ABCA2: variants seen among roughly 807,000 people sequenced by gnomAD.
The protein encoded by ABCA2 is ATP-binding cassette sub-family A member 2.
In ABCA2, 84 loss-of-function variants were observed where a neutral mutation model predicts 262.8. The ratio of observed to expected loss-of-function variants is 0.32; its 90% CI spans 0.27 to 0.38. ABCA2 has a LOEUF of 0.38. Ranked by LOEUF, ABCA2 falls within the 10% of genes least tolerant of loss-of-function variation. The pLI is 1.00. For missense variants in ABCA2, 2,662 were observed against 3,405.9 expected, an observed-to-expected ratio of 0.78 and a Z score of 5.44; for synonymous variants, 1,696 against 1,502.9, an observed-to-expected ratio of 1.13 and a Z score of -2.97.
rs1195370052 is a variant in ABCA2, at chr9:137,015,840, G to A, written c.3349C>T (p.Arg1117Trp). 5 of 1,610,786 alleles carry A rather than the reference G, an allele frequency of 3.1e-6. No individual in the cohort carries two copies. Among genetic ancestry groups the A allele is most frequent in the Middle Eastern group, 1.6e-4 (1 of 6,078 alleles). The change falls in exon 23 of 49, where the codon CGG becomes TGG. Residue 1117 changes from arginine to tryptophan, a missense_variant. Around this residue, in one of 12 missense-constraint regions of ABCA2, gnomAD observed 180 missense variants for 307.3 expected, o/e 0.59. Transcript: ENST00000341511. ...MIEDLELSNK[R>W]HSLVQTLSGG... Reference sequence around the variant, plus strand: ...GACAATGTCTGCACCAGTGAGTGCCGTTTGTTGGAGAGCTCCAGGTCCTCG... The same window carrying A: ...GACAATGTCTGCACCAGTGAGTGCCATTTGTTGGAGAGCTCCAGGTCCTCG...
intron 19 of ABCA2, 44 bp from the exon 20 acceptor site, chr9:137,016,782 G>A (rs1831274036): frequency 6.5e-7 from 1 of 1,542,292 alleles, no homozygotes; most frequent in Non-Finnish European, 8.7e-7. Flanking sequence ...AGGGCCTGGG[G>A]TGACCATCCA....
At position 137,009,641 on chromosome 9, in the gene ABCA2, C is replaced by T. The variant is rs1830962567; in HGVS notation, c.6634G>A (p.Glu2212Lys). The change falls in exon 44 of 49, where the codon GAG becomes AAG. Residue 2212 changes from glutamate to lysine, a missense_variant. Physicochemically the swap from Glu to Lys is moderately conservative, Grantham distance 56. Transcript: ENST00000341511. ...IGYPAFIFLD[E>K]PTTGMDPKAR... ...TTGGGGTCCATGCCTGTGGTGGGCT[C>T]GTCCTGGGGATGGGTGGCAGGCTCA... 1.9e-6 allele frequency: 3 copies of T among 1,612,756 alleles called. No individual in the cohort carries two copies. The highest frequency in any genetic ancestry group is 1.7e-6 in the Non-Finnish European group (2 of 1,179,896).
rs759275531 is a variant in ABCA2 at position 137,014,952 on chromosome 9, G to A, written c.3843C>T (p.Ser1281=). 5.2e-5 allele frequency: 81 copies of A among 1,566,430 alleles called. No homozygotes were observed. The African/African-American group carries it at 8.7e-4, about 17-fold the overall frequency. The change falls in exon 25 of 49, where the codon AGC becomes AGT. Residue 1281 remains serine (S), a synonymous_variant. Coordinates refer to ENST00000341511, the MANE Select transcript of ABCA2 (RefSeq NM_001606.5). ...CGAAAGCCCCCTTCTTGGCGGCCTC[G>A]CTGGGCAGGATGTAGGAGAGCTCCG... The part of the protein sequence containing the change: ...TSTELSYILP[S]EAAKKGAFER...
Position 137,021,179 on chromosome 9 carries a change from G to C in ABCA2, c.898-118C>G. The C allele has an allele frequency of 7.2e-7, 1 of 1,395,012 alleles. No homozygotes were observed. Among genetic ancestry groups the C allele is most frequent in the South Asian group, 1.5e-5 (1 of 67,086 alleles). 86.4% of individuals were successfully genotyped at this position (1,395,012 alleles called of 1,614,324 possible). A position where few individuals can be genotyped will look rare whatever the true frequency, so the allele number is the denominator to read the frequency against. On this transcript the variant is annotated intron_variant, in intron 8 of 48. Transcript: ENST00000341511. This position sits in a 1 kb window ranked among gnomAD's most constrained non-coding sequence, Gnocchi z 6.0. Reference sequence around the variant, plus strand: ...GACACAAGCTAGGGGTGCTGGGAGGGAGTCTGCAGCCTGGGTAACGGGAGC... The same window carrying C: ...GACACAAGCTAGGGGTGCTGGGAGGCAGTCTGCAGCCTGGGTAACGGGAGC...
rs1345136699 is a variant in ABCA2 at position 137,019,380 on chromosome 9, C to T, written c.1426-74G>A. ...GACTTGGGGGCTCTCACCCCACTCA[C>T]CTCCCCAGTGGCTGGTCCATTGCCA... On this transcript the variant is annotated intron_variant, in intron 10 of 48. Coordinates refer to ENST00000341511, the MANE Select transcript of ABCA2 (RefSeq NM_001606.5). This position sits in a 1 kb window ranked among gnomAD's most constrained non-coding sequence, Gnocchi z 4.4. The T allele has an allele frequency of 5.3e-5, 83 of 1,558,190 alleles. No homozygotes were observed. Among genetic ancestry groups the T allele is most frequent in the Non-Finnish European group, 6.9e-5 (79 of 1,144,762 alleles).
intron 9 of ABCA2, 83 bp downstream of exon 9, chr9:137,020,611 C>T: frequency 6.4e-7 from 1 of 1,561,888 alleles, no homozygotes; most frequent in Non-Finnish European, 8.6e-7. Context: ...CAAATGAGAC[C>T]TCCAGAGCCA....
At position 137,017,138 on chromosome 9, in the gene ABCA2, G is replaced by A. The variant is rs367994606; in HGVS notation, c.2554-14C>T. 1.9e-6 allele frequency: 3 copies of A among 1,612,002 alleles called. No individual in the cohort carries two copies. The East Asian group carries it at 6.7e-5, about 36-fold the overall frequency. ...GGACATGAGGGACTGAGAAGGCAGT[G>A]GTGTCAGCACGTGGGGTGGCCCGGC... On this transcript the variant is annotated splice_polypyrimidine_tract_variant and intron_variant, in intron 18 of 48. Transcript: ENST00000341511.
chr9:137,022,942 T>C lies in ABCA2; in HGVS notation c.274A>G (p.Thr92Ala). 6.4e-7 allele frequency: 1 copy of C among 1,571,964 alleles called. No homozygotes were observed. Among genetic ancestry groups the C allele is most frequent in the Non-Finnish European group, 8.6e-7 (1 of 1,159,528 alleles). Residue 92 changes from threonine (T) to alanine (A), a missense_variant and splice_region_variant, in exon 4 of 49, where the codon ACG (threonine) becomes GCG (alanine). Physicochemically the swap from Thr to Ala is moderately conservative, Grantham distance 58 (BLOSUM62 0). This residue lies in a region of ABCA2 where 101 missense variants were observed against 152.3 expected (regional missense o/e 0.66). Coordinates refer to ENST00000341511, the MANE Select transcript of ABCA2 (RefSeq NM_001606.5). ...TCCGAGGGGCGGGTGGGCACTCACG[T>C]GGAGTTGGCGTACTGCAGGAAGCCG... ...EFGFLQYANS[T>A]VTQLLERLDR...
chr9:137,020,419 C>G lies in ABCA2; in HGVS notation c.1342G>C (p.Gly448Arg). The change falls in exon 10 of 49, where the codon GGC becomes CGC. Residue 448 changes from glycine (G) to arginine (R), a missense_variant. Gly to Arg is a moderately radical substitution (Grantham distance 125). Around this residue, in one of 12 missense-constraint regions of ABCA2, gnomAD observed 92 missense variants for 146.7 expected, o/e 0.63. Transcript: ENST00000341511. ...CTGGTCATGAGGTGCACGAGGAGGCCCAGGTTCCGCTGCTCCTTGCTCGTG... is the reference window on the plus strand; with the variant it reads ...CTGGTCATGAGGTGCACGAGGAGGCGCAGGTTCCGCTGCTCCTTGCTCGTG... ...GFTSKEQRNL[G>R]LLVHLMTSNP... is the part of the protein sequence containing the mutation. 1 of 1,612,726 alleles carries G rather than the reference C, an allele frequency of 6.2e-7. No individual in the cohort carries two copies. Among genetic ancestry groups the G allele is most frequent in the Non-Finnish European group, 8.5e-7 (1 of 1,179,900 alleles).
intron 39 of ABCA2, 85 bp downstream of exon 39, chr9:137,010,888 C>CCCCCACCCCCACCCCTACCCTG: frequency 2.3e-6 from 1 of 425,606 alleles, no homozygotes; most frequent in Non-Finnish European, 4.5e-6. Context: ...CCCATCCCTG[C>CCCCCACCCCCACCCCTACCCTG]CCCCACCCCC....
In ABCA2 at chr9:137,019,094, AG is replaced by A. The variant is rs756543151; in HGVS notation, c.1555-25del. ...TACTTGGGGTGGAGGGGCGGCTCAG[AG>A]GGGGACCTGCGCCTGCCGAGCCGGG... On this transcript the variant is annotated intron_variant, in intron 11 of 48. Transcript: ENST00000341511. This position sits in a 1 kb window ranked among gnomAD's most constrained non-coding sequence, Gnocchi z 4.4. The A allele has an allele frequency of 6.9e-6, 11 of 1,603,398 alleles. No homozygotes were observed. The highest frequency in any genetic ancestry group is 9.4e-6 in the Non-Finnish European group (11 of 1,173,570).
Position 137,009,834 on chromosome 9 carries a change from C to A in ABCA2, c.6565G>T (p.Gly2189Cys). Reference protein sequence around the residue: ...YADKPAGTYSGGNKRKLSTAI... With the variant: ...YADKPAGTYSCGNKRKLSTAI... Reference sequence around the variant, plus strand: ...GTGGAGAGCTTCCGCTTGTTGCCGCCGCTGTAGGTGCCAGCCGGCTTGTCT... The same window carrying A: ...GTGGAGAGCTTCCGCTTGTTGCCGCAGCTGTAGGTGCCAGCCGGCTTGTCT... The change falls in exon 43 of 49, where the codon GGC becomes TGC. Residue 2189 changes from glycine to cysteine, a missense_variant. Physicochemically the swap from Gly to Cys is radical, Grantham distance 159. Around this residue, in one of 12 missense-constraint regions of ABCA2, gnomAD observed 602 missense variants for 897.4 expected, o/e 0.67. Coordinates refer to ENST00000341511, the MANE Select transcript of ABCA2 (RefSeq NM_001606.5). 1.2e-6 allele frequency: 2 copies of A among 1,612,562 alleles called. No homozygotes were observed. Among genetic ancestry groups the A allele is most frequent in the South Asian group, 1.1e-5 (1 of 91,046 alleles).
In ABCA2 at chr9:137,018,362, G is replaced by A; in HGVS notation, c.1820-11C>T. 1 of 1,578,266 alleles carries A rather than the reference G, an allele frequency of 6.3e-7. No homozygotes were observed. The highest frequency in any genetic ancestry group is 1.7e-4 in the Middle Eastern group (1 of 5,984). ...TCTGGAAGATCACACCTGGGGCCGG[G>A]AGGTTGGGGCGGGGCCAAGATGCAG... On this transcript the variant is annotated splice_polypyrimidine_tract_variant and intron_variant, in intron 13 of 48. Coordinates refer to ENST00000341511, the MANE Select transcript of ABCA2 (RefSeq NM_001606.5).
chr9:137,007,969 G>C lies in ABCA2; in HGVS notation c.7276-5C>G. 6.2e-7 allele frequency: 1 copy of C among 1,603,748 alleles called. No homozygotes were observed. Among genetic ancestry groups the C allele is most frequent in the Non-Finnish European group, 8.5e-7 (1 of 1,179,438 alleles). Reference sequence around the variant, plus strand: ...CGTGTTGAAGGACAGCTGGGCCTGTGCACAGGGGAGGTCAGGCTTATGGGG... The same window carrying C: ...CGTGTTGAAGGACAGCTGGGCCTGTCCACAGGGGAGGTCAGGCTTATGGGG... On this transcript the variant is annotated splice_polypyrimidine_tract_variant and splice_region_variant and intron_variant, in intron 48 of 48. Coordinates refer to ENST00000341511, the MANE Select transcript of ABCA2 (RefSeq NM_001606.5).
In ABCA2 at chr9:137,022,884, C is replaced by A; in HGVS notation, c.276-19G>T. 1.3e-6 allele frequency: 2 copies of A among 1,516,604 alleles called. No homozygotes were observed. The highest frequency in any genetic ancestry group is 1.2e-5 in the South Asian group (1 of 84,892). The allele number at this position is 1,516,604 out of a possible 1,614,324, so 93.9% of individuals were successfully genotyped here. On this transcript the variant is annotated intron_variant, in intron 4 of 48. Transcript: ENST00000341511. ...CGTGACCCTGCACCATGGCGGATGTCACTCACTGGATGGGCTGGGGAGGGG... is the reference window on the plus strand; with the variant it reads ...CGTGACCCTGCACCATGGCGGATGTAACTCACTGGATGGGCTGGGGAGGGG...
At position 137,013,914 on chromosome 9, in the gene ABCA2, G is replaced by A. The variant is rs1373697394; in HGVS notation, c.4365C>T (p.Ser1455=). ...GCAAGATCTGGGAGAAGAGTGCCTTGGAGTTGCGGCGGGCGCAGTGGAAGC... is the reference window on the plus strand; with the variant it reads ...GCAAGATCTGGGAGAAGAGTGCCTTAGAGTTGCGGCGGGCGCAGTGGAAGC... ...VKRFHCARRN[S]KALFSQILLP... The change falls in exon 28 of 49, where the codon TCC becomes TCT. Residue 1455 remains serine, a synonymous_variant. Transcript: ENST00000341511. The A allele has an allele frequency of 5.0e-6, 8 of 1,612,532 alleles. No homozygotes were observed. The highest frequency in any genetic ancestry group is 5.9e-6 in the Non-Finnish European group (7 of 1,179,924).
In ABCA2 at chr9:137,014,159, C is replaced by T; in HGVS notation, c.4240+9G>A. The T allele has an allele frequency of 6.2e-7, 1 of 1,604,484 alleles. No homozygotes were observed. The highest frequency in any genetic ancestry group is 8.5e-7 in the Non-Finnish European group (1 of 1,175,602). On this transcript the variant is annotated intron_variant, in intron 27 of 48. Transcript: ENST00000341511. The stretch of plus-strand genomic sequence containing the variant: ...CCTTGCTGTCCCAGCCTCACCCTGC[C>T]ACCCCCACCTTGCAGGCTGACATTG...
chr9:137,010,567 C>G, intron 40 of ABCA2, 53 bp downstream of exon 40: 1 of 1,578,442 alleles, frequency 6.3e-7, no homozygotes, highest in South Asian at 1.1e-5. Flanking sequence ...GGCCCCACCC[C>G]CCTGGCCCTG....
At position 137,009,481 on chromosome 9, in the gene ABCA2, C is replaced by G. The variant is rs1830955720; in HGVS notation, c.6735-19G>C. ...CTCCATGCTGTGGGACATGCACAGG[C>G]TGGCACCGGAAGGGGTGCTGTGGGG... On this transcript the variant is annotated intron_variant, in intron 44 of 48. Coordinates refer to ENST00000341511, the MANE Select transcript of ABCA2 (RefSeq NM_001606.5). The G allele has an allele frequency of 6.2e-7, 1 of 1,608,340 alleles. No individual in the cohort carries two copies. The highest frequency in any genetic ancestry group is 1.3e-5 in the African/African-American group (1 of 74,818).
Sources: gnomAD v4.1 joint callset for allele counts on GRCh38, gnomAD v4.1.1 for gene constraint, gnomAD v4.1.1 regional missense constraint, Gnocchi (gnomAD v3.1) non-coding constraint, MANE v1.5 for transcripts, NCBI Gene and HGNC (gene_info 2026-07-23, HGNC 2026-07-21) for gene names.